The following RPS6KA2 variants were observed in gnomAD, a reference collection of about 807,000 sequenced individuals.
RPS6KA2 encodes the protein ribosomal protein S6 kinase A2, also known as ribosomal protein S6 kinase alpha-2.
Under a neutral mutation model 91.8 loss-of-function variants are expected in RPS6KA2, and 42 were observed. The observed-to-expected ratio is 0.46, with a 90% CI of 0.36 to 0.59. RPS6KA2 has a LOEUF of 0.59. Among genes scored for constraint, RPS6KA2 ranks in the 20% least tolerant of loss-of-function variants. The probability of loss-of-function intolerance (pLI) is 0.00; values close to 1 mark genes in which losing one functional copy is unlikely to be tolerated. For missense variants in RPS6KA2, 798 were observed against 978.5 expected, an observed-to-expected ratio of 0.82 and a Z score of 2.46; for synonymous variants, 414 against 393.6, an observed-to-expected ratio of 1.05 and a Z score of -0.61.
At position 166,459,588 on chromosome 6, in the gene RPS6KA2, A is replaced by T; in HGVS notation, c.973-37T>A. On this transcript the variant is annotated intron_variant, in intron 11 of 20. Transcript: ENST00000265678. This position sits in a 1 kb window ranked among gnomAD's most constrained non-coding sequence, Gnocchi z 4.9. Reference sequence around the variant, plus strand: ...AGGAAAGCAAGACAGGGCACTGAGGATGCACAGACATTGCCACAGAACACT... The same window carrying T: ...AGGAAAGCAAGACAGGGCACTGAGGTTGCACAGACATTGCCACAGAACACT... 6.9e-7 allele frequency: 1 copy of T among 1,458,812 alleles called. No individual in the cohort carries two copies. The highest frequency in any genetic ancestry group is 1.4e-5 in the African/African-American group (1 of 72,166). 90.4% of individuals were successfully genotyped at this position (1,458,812 alleles called of 1,614,324 possible).
chr6:166,861,980 A>G, intron 1 of RPS6KA2: 2 of 1,174,788 alleles, frequency 1.7e-6, no homozygotes, highest in South Asian at 1.3e-5. Context: ...CACACTGGAT[A>G]GCCAACTCTC....
rs1175930720 is a variant in RPS6KA2 at position 166,702,120 on chromosome 6, C to A, written c.123+156080G>T. On this transcript the variant is annotated intron_variant, in intron 2 of 21. Transcript: ENST00000503859. The stretch of plus-strand genomic sequence containing the variant: ...GTAATCGACTTCTCAGCAGCCCCTG[C>A]ATTTTCTTTACGGTGGACATCGATT... The A allele has an allele frequency of 3.9e-6, 6 of 1,531,358 alleles. No homozygotes were observed. The African/African-American group carries it at 8.2e-5, about 21-fold the overall frequency. The allele number at this position is 1,531,358 out of a possible 1,614,324, so 94.9% of individuals were successfully genotyped here.
At chr6:166,546,870 T>C (rs1033488612) in intron 1 of RPS6KA2, among the ~76,000 whole-genome samples, 2 of 152,240 alleles carry the variant, frequency 1.3e-5, no homozygotes, top group African/African-American at 4.8e-5. Context: ...AACTAGGATG[T>C]AAAGAAAACG....
intron 19 of RPS6KA2, among the ~76,000 whole-genome samples, chr6:166,416,897 C>T (rs976443245): frequency 1.3e-5 from 2 of 152,194 alleles, no homozygotes; most frequent in Non-Finnish European, 2.9e-5. Flanking sequence ...GCCATTACCT[C>T]CACCATCATC....
chr6:166,678,295 C>T (rs909351075), intron 2 of RPS6KA2, among the ~76,000 whole-genome samples: 1 of 152,194 alleles, frequency 6.6e-6, no homozygotes, highest in Non-Finnish European at 1.5e-5. Flanking sequence ...CACGCTTATC[C>T]TGGCTCAGAA....
At chr6:166,796,749 C>T (rs182394592) in intron 2 of RPS6KA2, among the ~76,000 whole-genome samples, 161 of 152,352 alleles carry the variant, frequency 1.1e-3, no homozygotes, top group African/African-American at 3.6e-3. Context: ...GTCCTGAGTG[C>T]GACTGCACAG....
intron 8 of RPS6KA2, among the ~76,000 whole-genome samples, chr6:166,496,378 AG>A (rs1781787133): frequency 7.0e-6 from 1 of 142,220 alleles, no homozygotes; most frequent in Non-Finnish European, 1.5e-5. Flanking sequence ...AAAAATAAAA[AG>A]AAAAAAAAGA....
chr6:166,772,733 C>T (rs1052003762), intron 2 of RPS6KA2, among the ~76,000 whole-genome samples: 6 of 152,252 alleles, frequency 3.9e-5, no homozygotes, highest in African/African-American at 7.2e-5. Flanking sequence ...GCCCGGCTGT[C>T]GGGACACACC....
chr6:166,416,251 T>TCGCCATCCTTTCTCCATCACCTCCAC (rs1778513407), intron 19 of RPS6KA2, among the ~76,000 whole-genome samples: 1 of 143,116 alleles, frequency 7.0e-6, no homozygotes, highest in African/African-American at 2.6e-5. Flanking sequence ...ACCATCACCC[T>TCGCCATCCTTTCTCCATCACCTCCAC]CACCATTTTT....
At chr6:166,454,673 C>T (rs530561947) in intron 12 of RPS6KA2, among the ~76,000 whole-genome samples, 107 of 152,164 alleles carry the variant, frequency 7.0e-4, no homozygotes, top group African/African-American at 2.5e-3. Flanking sequence ...TATCAGGATG[C>T]TTTGTAATGA....
At chr6:166,787,975 CAAAA>C (rs3066794) in intron 2 of RPS6KA2, among the ~76,000 whole-genome samples, 1 of 78,904 alleles carries the variant, frequency 1.3e-5, no homozygotes. Context: ...AACAAATTTA[CAAAA>C]AAAAAAAAAA....
rs530668155 is a variant in RPS6KA2 at position 166,775,393 on chromosome 6, G to A, written c.123+82807C>T. On this transcript the variant is annotated intron_variant, in intron 2 of 21. Transcript: ENST00000503859. ...TAGATGGCAGCAGAGGACACAGCAA[G>A]TGAGAACACTCCGAGGCGCGTGCAG... 5.3e-5 allele frequency among the ~76,000 whole-genome samples: 8 copies of A among 152,230 alleles called. No homozygotes were observed. In the East Asian group the frequency reaches 1.4e-3, roughly 26 times the overall value.
intron 2 of RPS6KA2, 32 bp downstream of exon 2, chr6:166,538,636 G>A (rs1783556673): frequency 3.2e-6 from 4 of 1,235,842 alleles, no homozygotes; most frequent in Non-Finnish European, 4.8e-6. Context: ...GTTCAGGAAT[G>A]AGACTCAAGA....
intron 1 of RPS6KA2, among the ~76,000 whole-genome samples, chr6:166,584,808 T>C (rs529667511): frequency 2.6e-5 from 4 of 152,374 alleles, no homozygotes; most frequent in African/African-American, 9.6e-5. Flanking sequence ...TCATTTCTCA[T>C]GGAGAGACCA....
At position 166,582,692 on chromosome 6, in the gene RPS6KA2, A is replaced by G. The variant is rs527509664; in HGVS notation, c.100-43908T>C. Reference sequence around the variant, plus strand: ...AAAAATGGGCAGTAATAAAATTTCCATTATTCAAGAGGTTAGATATGATTT... The same window carrying G: ...AAAAATGGGCAGTAATAAAATTTCCGTTATTCAAGAGGTTAGATATGATTT... On this transcript the variant is annotated intron_variant, in intron 1 of 20. Transcript: ENST00000265678. 9.8e-5 allele frequency among the ~76,000 whole-genome samples: 15 copies of G among 152,362 alleles called. No homozygotes were observed. In the South Asian group the frequency reaches 2.9e-3, roughly 29 times the overall value.
At chr6:166,491,661 G>A (rs1203718479) in intron 8 of RPS6KA2, among the ~76,000 whole-genome samples, 6 of 152,096 alleles carry the variant, frequency 3.9e-5, no homozygotes, top group African/African-American at 1.2e-4. Context: ...TTTTTGCTGC[G>A]TGTGTCTCTG....
Position 166,448,841 on chromosome 6 carries a change from GTGTAACTGC to G in RPS6KA2, c.1207-1_1214del. On this transcript the variant is annotated splice_acceptor_variant and coding_sequence_variant, in exon 14 of 21. Coordinates refer to ENST00000265678, the MANE Select transcript of RPS6KA2 (RefSeq NM_021135.6). LOFTEE classifies it high-confidence loss of function. This position sits in a 1 kb window ranked among gnomAD's most constrained non-coding sequence, Gnocchi z 4.7. The stretch of plus-strand genomic sequence containing the variant: ...CATCGGTGAAGTGGATGTTGTTCCC[GTGTAACTGC>G]TGCAGAGGGACCAAGAGAAGAAGAG... The G allele has an allele frequency of 6.2e-7, 1 of 1,613,754 alleles. No homozygotes were observed. Among genetic ancestry groups the G allele is most frequent in the Non-Finnish European group, 8.5e-7 (1 of 1,179,894 alleles).
At chr6:166,590,625 C>T (rs1018800413) in intron 1 of RPS6KA2, among the ~76,000 whole-genome samples, 1 of 152,220 alleles carries the variant, frequency 6.6e-6, no homozygotes, top group East Asian at 1.9e-4. Flanking sequence ...CCCCACAACA[C>T]ACACACGCAC....
intron 16 of RPS6KA2, among the ~76,000 whole-genome samples, chr6:166,428,182 T>C (rs1778994394): frequency 1.3e-5 from 2 of 151,938 alleles, no homozygotes; most frequent in African/African-American, 4.8e-5. Flanking sequence ...TTGACAAACC[T>C]GAGAAAAACA....
Sources: gnomAD v4.1 joint callset for allele counts (sites outside exome capture counted in the v4.1 genomes callset) on GRCh38, gnomAD v4.1.1 for gene constraint, Gnocchi (gnomAD v3.1) non-coding constraint, MANE v1.5 for transcripts, NCBI Gene and HGNC (gene_info 2026-07-23, HGNC 2026-07-21) for gene names.